The following MTRF1 variants were observed in gnomAD, a reference collection of about 807,000 sequenced individuals.
MTRF1 encodes the protein peptide chain release factor 1, mitochondrial.
Under a neutral mutation model 62.9 loss-of-function variants are expected in MTRF1, and 51 were observed. The ratio of observed to expected loss-of-function variants is 0.81; its 90% CI spans 0.65 to 1.02. The LOEUF is 1.02. Among genes scored for constraint, MTRF1 ranks in the 50% least tolerant of loss-of-function variants. The probability of loss-of-function intolerance (pLI) is 0.00; values close to 1 mark genes in which losing one functional copy is unlikely to be tolerated. For synonymous variants in MTRF1, 158 were observed against 181.9 expected, an observed-to-expected ratio of 0.87 and a Z score of 1.06; for missense variants, 446 against 530.0, an observed-to-expected ratio of 0.84 and a Z score of 1.56.
intron 6 of MTRF1, 46 bp downstream of exon 6, chr13:41,240,215 A>C (rs1011777107): frequency 1.4e-5 from 22 of 1,532,472 alleles, no homozygotes; most frequent in Non-Finnish European, 1.9e-5. Flanking sequence ...CCAGCACAAT[A>C]CCCGTTGACA....
At chr13:41,273,276 A>G in the MTRF1 span, among the ~76,000 whole-genome samples, 2 of 151,486 alleles carry the variant, frequency 1.3e-5, no homozygotes, top group African/African-American at 2.4e-5. Flanking sequence ...CAGTGAGCCG[A>G]GATCGCGCCA....
At chr13:41,273,491 A>T in the MTRF1 span, among the ~76,000 whole-genome samples, 1 of 152,154 alleles carries the variant, frequency 6.6e-6, no homozygotes, top group Non-Finnish European at 1.5e-5. Context: ...TCCTGACAAC[A>T]AGTGCCCAAG....
intron 2 of MTRF1, among the ~76,000 whole-genome samples, chr13:41,258,576 A>AC (rs1491249309): frequency 0.014 from 480 of 35,162 alleles, 5 homozygotes; most frequent in East Asian, 0.073. Flanking sequence ...AAAAAAAAAC[A>AC]AAAAAAAAAA....
chr13:41,269,539 A>G, the MTRF1 span, among the ~76,000 whole-genome samples: 1 of 125,646 alleles, frequency 8.0e-6, no homozygotes, highest in African/African-American at 2.9e-5. Context: ...TAAGCTTTCA[A>G]TTAGACAAAA....
At chr13:41,229,375 A>G (rs1253227948) in intron 7 of MTRF1, 1 of 152,182 alleles carries the variant, frequency 6.6e-6, no homozygotes, top group African/African-American at 2.4e-5. Context: ...AAAATATGCA[A>G]TAAATAAATC....
chr13:41,237,582 C>T (rs1002992128), intron 6 of MTRF1, among the ~76,000 whole-genome samples: 13 of 152,100 alleles, frequency 8.5e-5, no homozygotes, highest in Non-Finnish European at 1.8e-4. Flanking sequence ...CTGCAACCTC[C>T]GCCTCATGGG....
At chr13:41,272,621 G>C in the MTRF1 span, among the ~76,000 whole-genome samples, 2 of 152,112 alleles carry the variant, frequency 1.3e-5, no homozygotes, top group South Asian at 2.1e-4. Flanking sequence ...ATTAAGACCA[G>C]CTTATTGTTA....
intron 2 of MTRF1, among the ~76,000 whole-genome samples, chr13:41,259,452 C>G (rs1018280473): frequency 6.6e-6 from 1 of 152,082 alleles, no homozygotes; most frequent in Non-Finnish European, 1.5e-5. Flanking sequence ...GTAATCCCAG[C>G]ACATTGGGAG....
At chr13:41,273,187 G>T in the MTRF1 span, among the ~76,000 whole-genome samples, 2 of 152,062 alleles carry the variant, frequency 1.3e-5, no homozygotes, top group Non-Finnish European at 2.9e-5. Context: ...TTAGCTGGGC[G>T]TGGTGGTGGG....
the MTRF1 span, among the ~76,000 whole-genome samples, chr13:41,290,257 T>C: frequency 6.7e-6 from 1 of 148,690 alleles, no homozygotes; most frequent in African/African-American, 2.5e-5. Flanking sequence ...ACCACCTACG[T>C]CCGGCTAATT....
the MTRF1 span, among the ~76,000 whole-genome samples, chr13:41,276,612 G>A: frequency 5.3e-5 from 8 of 152,110 alleles, no homozygotes; most frequent in African/African-American, 1.9e-4. Flanking sequence ...CAGTGGAGGT[G>A]ATCTGATCTA....
At chr13:41,256,721 A>G (rs2039776285) in intron 2 of MTRF1, among the ~76,000 whole-genome samples, 1 of 152,238 alleles carries the variant, frequency 6.6e-6, no homozygotes, top group Admixed American at 6.5e-5. Flanking sequence ...CTGCTGATTC[A>G]AAGGTATCAG....
At chr13:41,307,489 C>T in the MTRF1 span, among the ~76,000 whole-genome samples, 30 of 151,906 alleles carry the variant, frequency 2.0e-4, no homozygotes, top group Admixed American at 8.5e-4. Context: ...CTGGGCATGG[C>T]GGTGCATGCC....
chr13:41,255,714 C>G (rs142033825), intron 2 of MTRF1, among the ~76,000 whole-genome samples: 1 of 151,974 alleles, frequency 6.6e-6, no homozygotes, highest in African/African-American at 2.4e-5. Context: ...ATACATATCA[C>G]GTGTGTCAGA....
the MTRF1 span, among the ~76,000 whole-genome samples, chr13:41,309,982 AC>A: frequency 6.6e-6 from 1 of 152,156 alleles, no homozygotes; most frequent in Admixed American, 6.5e-5. Context: ...GGCAACAAGA[AC>A]AAAACATCGT....
the MTRF1 span, among the ~76,000 whole-genome samples, chr13:41,283,775 G>A: frequency 6.6e-6 from 1 of 151,302 alleles, no homozygotes; most frequent in East Asian, 2.0e-4. Flanking sequence ...ATTTTTAGTA[G>A]AGACGGGGTT....
At chr13:41,306,123 C>G in the MTRF1 span, among the ~76,000 whole-genome samples, 1 of 152,158 alleles carries the variant, frequency 6.6e-6, no homozygotes, top group African/African-American at 2.4e-5. Flanking sequence ...TGGCTCACGC[C>G]TGTAATCCCA....
chr13:41,311,228 C>T, the MTRF1 span: 8 of 504,672 alleles, frequency 1.6e-5, no homozygotes, highest in Admixed American at 1.6e-4. Context: ...CGCATGCGCA[C>T]AGGATCCGGC....
intron 4 of MTRF1, 55 bp downstream of exon 4, chr13:41,252,894 A>T: frequency 7.1e-7 from 1 of 1,416,650 alleles, no homozygotes; most frequent in Non-Finnish European, 9.8e-7. Context: ...TTATCAAATA[A>T]GGTAAAATTC....
Sources: allele counts gnomAD v4.1 joint callset (sites outside exome capture counted in the v4.1 genomes callset), GRCh38; gene constraint gnomAD v4.1.1; transcripts MANE v1.5; gene names NCBI Gene and HGNC (gene_info 2026-07-23, HGNC 2026-07-21).